Variants in DOCK9 observed in about 807,000 individuals in gnomAD.
DOCK9 encodes the protein dedicator of cytokinesis 9.
Under a neutral mutation model 263.3 loss-of-function variants are expected in DOCK9, and 89 were observed. The ratio of observed to expected loss-of-function variants is 0.34; its 90% confidence interval spans 0.28 to 0.40. The LOEUF (loss-of-function observed/expected upper bound fraction) is 0.40, where lower values mean the gene tolerates loss of function less well. Ranked by LOEUF, DOCK9 falls within the 10% of genes least tolerant of loss-of-function variation. The pLI, the probability that DOCK9 is intolerant of heterozygous loss-of-function variation, is 1.00. For synonymous variants in DOCK9, 976 were observed against 973.1 expected, an observed-to-expected ratio of 1.00 and a Z score of -0.06; for missense variants, 2,140 against 2,603.4, an observed-to-expected ratio of 0.82 and a Z score of 3.87.
At chr13:98,989,316 A>G (rs1166222754) in intron 1 of DOCK9, among the ~76,000 whole-genome samples, 58 of 138,164 alleles carry the variant, frequency 4.2e-4, no homozygotes, top group African/African-American at 1.3e-3. Context: ...AATTAATAAT[A>G]ATGATGATGA....
In DOCK9 at chr13:98,884,958, A is replaced by G; in HGVS notation, c.2382+13T>C. The G allele has an allele frequency of 6.2e-7, 1 of 1,609,324 alleles. No individual in the cohort carries two copies. Among genetic ancestry groups the G allele is most frequent in the Non-Finnish European group, 8.5e-7 (1 of 1,178,130 alleles). On this transcript the variant is annotated intron_variant, in intron 21 of 52. Transcript: ENST00000682017. ...AAGAAATTGGGATGACCCAATCTTA[A>G]AATGGGACATACCCTGCCCATCCCA...
chr13:99,013,514 C>T (rs10492575), intron 1 of DOCK9, among the ~76,000 whole-genome samples: 13,458 of 152,152 alleles, frequency 0.088, 729 homozygotes, highest in African/African-American at 0.15. Flanking sequence ...ACAAAGAATA[C>T]GTCAGGTGAA....
chr13:98,870,274 A>G (rs2094151996), intron 27 of DOCK9, among the ~76,000 whole-genome samples: 1 of 152,230 alleles, frequency 6.6e-6, no homozygotes, highest in Admixed American at 6.5e-5. Context: ...ATAACCTTAC[A>G]TAGAGTCAAG....
intron 1 of DOCK9, among the ~76,000 whole-genome samples, chr13:99,002,050 G>A (rs908394699): frequency 6.6e-6 from 1 of 152,146 alleles, no homozygotes; most frequent in African/African-American, 2.4e-5. Flanking sequence ...CCACTACCAC[G>A]GAGTCAGAAG....
chr13:98,999,310 ACACACACT>A (rs1567189620), intron 1 of DOCK9, among the ~76,000 whole-genome samples: 1 of 125,498 alleles, frequency 8.0e-6, no homozygotes, highest in African/African-American at 3.5e-5. Context: ...ACACACACAC[ACACACACT>A]CTCTCTCTCT....
chr13:98,918,273 G>A (rs1357664916), intron 7 of DOCK9, among the ~76,000 whole-genome samples: 1 of 152,102 alleles, frequency 6.6e-6, no homozygotes, highest in Non-Finnish European at 1.5e-5. Context: ...TTGCTGAGTA[G>A]AAGACACTGA....
At chr13:98,820,862 C>A (rs1280716270) in intron 45 of DOCK9, among the ~76,000 whole-genome samples, 10 of 152,156 alleles carry the variant, frequency 6.6e-5, no homozygotes, top group Admixed American at 5.9e-4. Context: ...CCCAGCAAGT[C>A]CCAGCCTCAT....
At chr13:99,025,381 G>C (rs1445166978) in intron 1 of DOCK9, 3 of 151,972 alleles carry the variant, frequency 2.0e-5, no homozygotes, top group Non-Finnish European at 4.4e-5. Context: ...AAAACAGATA[G>C]GACAAAAAAA....
upstream of DOCK9, among the ~76,000 whole-genome samples, chr13:98,981,054 G>GT (rs1291190944): frequency 1.1e-3 from 154 of 143,944 alleles, 3 homozygotes; most frequent in Middle Eastern, 7.1e-3. Context: ...CAAGTAATTT[G>GT]TTTTTTGTTT....
intron 1 of DOCK9, among the ~76,000 whole-genome samples, chr13:99,014,377 A>AT (rs978223310): frequency 3.3e-5 from 5 of 152,230 alleles, no homozygotes; most frequent in African/African-American, 1.2e-4. Context: ...CACCACTTAA[A>AT]TTCCAACATA....
chr13:99,066,821 T>C (rs1342327363), intron 1 of DOCK9, among the ~76,000 whole-genome samples: 4 of 152,224 alleles, frequency 2.6e-5, no homozygotes, highest in Non-Finnish European at 5.9e-5. Context: ...GCCTGTTCCT[T>C]GGAGTCCTGA....
chr13:98,977,842 A>AG lies in DOCK9; in HGVS notation c.67dup (p.Leu23ProfsTer27), dbSNP rs751315109. 3 of 1,608,470 alleles carry AG rather than the reference A, an allele frequency of 1.9e-6. No individual in the cohort carries two copies. Among genetic ancestry groups the AG allele is most frequent in the Non-Finnish European group, 1.7e-6 (2 of 1,177,276 alleles). ...GCCCTGAGCTGCATCCTTGTATTGC[A>AG]GGGGGGACTCAATCACCAGTTCCTT... On this transcript the variant is annotated frameshift_variant, in exon 1 of 53. Coordinates refer to ENST00000682017, the MANE Select transcript of DOCK9 (RefSeq NM_001366683.2). LOFTEE classifies it high-confidence loss of function.
intron 1 of DOCK9, among the ~76,000 whole-genome samples, chr13:98,967,066 C>G (rs1310808237): frequency 6.6e-6 from 1 of 152,200 alleles, no homozygotes; most frequent in Non-Finnish European, 1.5e-5. Context: ...CATCTACTTT[C>G]GTGTATGTTT....
intron 1 of DOCK9, among the ~76,000 whole-genome samples, chr13:99,037,038 CTT>C (rs1887963833): frequency 6.6e-6 from 1 of 152,080 alleles, no homozygotes; most frequent in Non-Finnish European, 1.5e-5. Context: ...TTTTTTATGA[CTT>C]TGGACTACAG....
intron 1 of DOCK9, among the ~76,000 whole-genome samples, chr13:99,069,325 C>G: frequency 6.6e-6 from 1 of 152,046 alleles, no homozygotes; most frequent in East Asian, 1.9e-4. Flanking sequence ...ATCCTAATAC[C>G]CCTTAAACAG....
chr13:99,025,385 A>C (rs1182839942), intron 1 of DOCK9: 1 of 151,660 alleles, frequency 6.6e-6, no homozygotes, highest in African/African-American at 2.4e-5. Context: ...CAGATAGGAC[A>C]AAAAAAAGAT....
At chr13:99,064,307 G>A (rs1324014858) in intron 1 of DOCK9, among the ~76,000 whole-genome samples, 1 of 152,182 alleles carries the variant, frequency 6.6e-6, no homozygotes, top group African/African-American at 2.4e-5. Flanking sequence ...TATAACTGTT[G>A]TCACTATATT....
intron 2 of DOCK9, among the ~76,000 whole-genome samples, chr13:98,930,516 G>A (rs1002698717): frequency 5.9e-5 from 9 of 152,164 alleles, no homozygotes; most frequent in South Asian, 4.1e-4. Flanking sequence ...AGCCCTTCCC[G>A]CAGGGTAGAG....
intron 31 of DOCK9, 89 bp downstream of exon 31, chr13:98,863,281 C>T: frequency 6.5e-7 from 1 of 1,528,750 alleles, no homozygotes; most frequent in Non-Finnish European, 8.9e-7. Context: ...AGTGCTGTTA[C>T]CATGAATTTT....
Sources: allele counts gnomAD v4.1 joint callset (sites outside exome capture counted in the v4.1 genomes callset), GRCh38; gene constraint gnomAD v4.1.1; transcripts MANE v1.5; gene names NCBI Gene and HGNC (gene_info 2026-07-23, HGNC 2026-07-21).